ZNF467: variants seen among roughly 807,000 people sequenced by gnomAD.
ZNF467 encodes the protein zinc finger protein EZI.
A neutral mutation model predicts 47.8 loss-of-function variants in ZNF467; 51 were observed. The observed-to-expected ratio is 1.07, with a 90% confidence interval of 0.85 to 1.35. The LOEUF (loss-of-function observed/expected upper bound fraction) is 1.35. Among genes scored for constraint, ZNF467 ranks in the 40% most tolerant of loss-of-function variants. The probability of loss-of-function intolerance (pLI) is 0.00; values close to 1 mark genes in which losing one functional copy is unlikely to be tolerated. For synonymous variants in ZNF467, 416 were observed against 372.9 expected, an observed-to-expected ratio of 1.12 and a Z score of -1.33; for missense variants, 992 against 858.1, an observed-to-expected ratio of 1.16 and a Z score of -1.95.
In ZNF467 at chr7:149,769,512, G is replaced by A. The variant is rs771340592; in HGVS notation, c.152-312C>T. On this transcript the variant is annotated intron_variant, in intron 3 of 4. Transcript: ENST00000302017. The surrounding 1 kb of genome is among the most constrained non-coding windows in gnomAD (Gnocchi z 5.3). ...AAGCAAGGAAGTCCCCTGACCTGAT[G>A]CCCCTAGGAGAAGGGCTGGGGACTT... Among the ~76,000 whole-genome samples, 22 of 152,216 alleles carry A rather than the reference G, an allele frequency of 1.4e-4. No individual in the cohort carries two copies. The highest frequency in any genetic ancestry group is 4.1e-4 in the South Asian group (2 of 4,826).
Position 149,769,435 on chromosome 7 carries a change from C to T in ZNF467, c.152-235G>A, listed in dbSNP as rs922510103. On this transcript the variant is annotated intron_variant, in intron 3 of 4. Coordinates refer to ENST00000302017, the MANE Select transcript of ZNF467 (RefSeq NM_207336.3). The surrounding 1 kb of genome is among the most constrained non-coding windows in gnomAD (Gnocchi z 5.3). ...TGTAATGAGATGGACTACAAGGTTA[C>T]AAGAGCCACCACTGTGAAGAGTTCC... Among the ~76,000 whole-genome samples, 2 of 152,114 alleles carry T rather than the reference C, an allele frequency of 1.3e-5. No individual in the cohort carries two copies. The highest frequency in any genetic ancestry group is 2.9e-5 in the Non-Finnish European group (2 of 68,000).
At position 149,764,762 on chromosome 7, in the gene ZNF467, TGGGGCCGCAAGGGCGGCGTCC is replaced by T. The variant is rs769320215; in HGVS notation, c.1719_1739del (p.Asp574_Pro580del). On this transcript the variant is annotated inframe_deletion, in exon 5 of 5. Coordinates refer to ENST00000302017, the MANE Select transcript of ZNF467 (RefSeq NM_207336.3). ...CCACCTCGGGGGGAGCGGACCAGGC[TGGGGCCGCAAGGGCGGCGTCC>T]GGGGCCGCGTGGGCGGCTTCGCCGT... 195 of 1,530,424 alleles carry T rather than the reference TGGGGCCGCAAGGGCGGCGTCC, an allele frequency of 1.3e-4. No homozygotes were observed. The highest frequency in any genetic ancestry group is 1.6e-4 in the Non-Finnish European group (185 of 1,138,382). 94.8% of individuals were successfully genotyped at this position (1,530,424 alleles called of 1,614,324 possible).
At chr7:149,774,569 G>A (rs943996842), upstream of ZNF467, among the ~76,000 whole-genome samples, 13 of 152,172 alleles carry the variant, frequency 8.5e-5, no homozygotes, top group Admixed American at 7.2e-4. The surrounding 1 kb of genome is among the most constrained non-coding windows in gnomAD (Gnocchi z 5.7). Flanking sequence ...CTGGAAGAGC[G>A]CCCATCACTC....
rs1333934688 is a variant in ZNF467, at chr7:149,765,770, G to A, written c.732C>T (p.Tyr244=). 1 of 1,612,358 alleles carries A rather than the reference G, an allele frequency of 6.2e-7. No homozygotes were observed. Among genetic ancestry groups the A allele is most frequent in the Non-Finnish European group, 8.5e-7 (1 of 1,179,434 alleles). The change falls in exon 5 of 5, where the codon TAC becomes TAT. Residue 244 remains tyrosine (Y), a synonymous_variant. Coordinates refer to ENST00000302017, the MANE Select transcript of ZNF467 (RefSeq NM_207336.3). ...HLRTHTGERP[Y]PCAECGKRFS... is the part of the protein sequence containing the mutation. ...AGCGCTTGCCGCACTCCGCGCACGG[G>A]TAGGGCCGCTCGCCCGTGTGCGTGC...
intron 3 of ZNF467, 86 bp downstream of exon 3, chr7:149,770,354 G>C: frequency 1.4e-6 from 1 of 722,646 alleles, no homozygotes; most frequent in Admixed American, 2.9e-5. Flanking sequence ...GAGGGAGGGG[G>C]GAGGGAAGAA....
At position 149,764,583 on chromosome 7, in the gene ZNF467, G is replaced by A. The variant is rs530972659; in HGVS notation, c.*131C>T. 1.3e-6 allele frequency: 2 copies of A among 1,495,740 alleles called. No homozygotes were observed. Among genetic ancestry groups the A allele is most frequent in the African/African-American group, 1.4e-5 (1 of 72,174 alleles). The allele number at this position is 1,495,740 out of a possible 1,614,324, so 92.7% of individuals were successfully genotyped here. A position where few individuals can be genotyped will look rare whatever the true frequency, so the allele number is the denominator to read the frequency against. ...TGCTGTGCGGACGCAGACACTGCGGGAAGGAAACAGGTGTCCCGCGGCGGC... is the reference window on the plus strand; with the variant it reads ...TGCTGTGCGGACGCAGACACTGCGGAAAGGAAACAGGTGTCCCGCGGCGGC... On this transcript the variant is annotated 3_prime_UTR_variant, in exon 5 of 5. Coordinates refer to ENST00000302017, the MANE Select transcript of ZNF467 (RefSeq NM_207336.3).
At chr7:149,771,344 C>A (rs1799399813) in intron 1 of ZNF467, among the ~76,000 whole-genome samples, 1 of 152,200 alleles carries the variant, frequency 6.6e-6, no homozygotes, top group African/African-American at 2.4e-5. Flanking sequence ...CCGCCAACCC[C>A]GGCCCATCAG....
upstream of ZNF467, among the ~76,000 whole-genome samples, chr7:149,775,494 T>G (rs1799548055): frequency 6.6e-6 from 1 of 152,204 alleles, no homozygotes. Context: ...TTTCATGGGG[T>G]CATGGCCCTC....
Position 149,764,517 on chromosome 7 carries a change from G to C in ZNF467, c.*197C>G. The C allele has an allele frequency of 1.0e-6, 1 of 1,003,216 alleles. No homozygotes were observed. The highest frequency in any genetic ancestry group is 1.5e-6 in the Non-Finnish European group (1 of 661,512). 62.1% of individuals were successfully genotyped at this position (1,003,216 alleles called of 1,614,324 possible). On this transcript the variant is annotated 3_prime_UTR_variant, in exon 5 of 5. Transcript: ENST00000302017. The stretch of plus-strand genomic sequence containing the variant: ...ACTTCAGCTCAGCGGTTCCCAGCAA[G>C]GGTTCGCTGAGTCTCTGTCCTAGGA...
At chr7:149,776,495 G>A (rs181803407), upstream of ZNF467, 11,792 of 1,318,964 alleles carry the variant, frequency 8.9e-3, 87 homozygotes, top group Middle Eastern at 0.01. Context: ...GGGCTTACCC[G>A]GTCCCCAGCG....
chr7:149,773,812 C>T (rs1400904101), upstream of ZNF467, among the ~76,000 whole-genome samples: 1 of 152,038 alleles, frequency 6.6e-6, no homozygotes, highest in Non-Finnish European at 1.5e-5. Flanking sequence ...TCCGGCCCCG[C>T]CCCCATTCTC....
chr7:149,765,761 C>G lies in ZNF467; in HGVS notation c.741G>C (p.Ala247=), dbSNP rs768301215. ...TCTGGCTGAAGCGCTTGCCGCACTC[C>G]GCGCACGGGTAGGGCCGCTCGCCCG... ...THTGERPYPC[A]ECGKRFSQKI... The change falls in exon 5 of 5, where the codon GCG becomes GCC. Residue 247 remains alanine, a synonymous_variant. Transcript: ENST00000302017. 5 of 1,612,400 alleles carry G rather than the reference C, an allele frequency of 3.1e-6. No homozygotes were observed. Among genetic ancestry groups the G allele is most frequent in the Non-Finnish European group, 3.4e-6 (4 of 1,179,424 alleles).
At chr7:149,775,597 C>T (rs1165449280), upstream of ZNF467, among the ~76,000 whole-genome samples, 1 of 152,108 alleles carries the variant, frequency 6.6e-6, no homozygotes, top group Non-Finnish European at 1.5e-5. Flanking sequence ...ATTTGTGCAT[C>T]CCTGGGAAGT....
At chr7:149,776,136 G>C, upstream of ZNF467, 14 of 1,331,964 alleles carry the variant, frequency 1.1e-5, no homozygotes, top group Non-Finnish European at 1.4e-5. Flanking sequence ...TCCTCCTTCT[G>C]CCGCATGCCC....
At position 149,765,989 on chromosome 7, in the gene ZNF467, G is replaced by C. The variant is rs1454543719; in HGVS notation, c.513C>G (p.Asp171Glu). ...GCTGGTGCAGTCGCAACGTCAGCTG[G>C]TCCCGGAAGCGCCGCTCACACTCCC... ...GCGECERRFR[D>E]QLTLRLHQRL... Residue 171 changes from aspartate (D) to glutamate (E), a missense_variant, in exon 5 of 5, where the codon GAC becomes GAG. Asp to Glu is a conservative substitution (Grantham distance 45). Coordinates refer to ENST00000302017, the MANE Select transcript of ZNF467 (RefSeq NM_207336.3). 6.4e-7 allele frequency: 1 copy of C among 1,557,288 alleles called. No individual in the cohort carries two copies. The highest frequency in any genetic ancestry group is 2.4e-5 in the East Asian group (1 of 41,388).
At chr7:149,776,226 C>A, upstream of ZNF467, 1 of 895,396 alleles carries the variant, frequency 1.1e-6, no homozygotes, top group Non-Finnish European at 1.6e-6. Context: ...CCATGAGTGT[C>A]TCTCCCTACC....
rs1376926912 is a variant in ZNF467, at chr7:149,765,026, G to A, written c.1476C>T (p.Cys492=). 2 of 1,561,646 alleles carry A rather than the reference G, an allele frequency of 1.3e-6. No individual in the cohort carries two copies. Among genetic ancestry groups the A allele is most frequent in the Non-Finnish European group, 1.7e-6 (2 of 1,159,568 alleles). ...SGARPFACAQ[C]GRRFSRKSHL... ...GCGACTTGCGGCTGAAGCGGCGGCC[G>A]CACTGAGCGCAGGCGAAAGGCCTGG... The change falls in exon 5 of 5, where the codon TGC becomes TGT. Residue 492 remains cysteine, a synonymous_variant. Transcript: ENST00000302017.
Position 149,765,862 on chromosome 7 carries a change from G to T in ZNF467, c.640C>A (p.Arg214=). 1 of 1,601,840 alleles carries T rather than the reference G, an allele frequency of 6.2e-7. No homozygotes were observed. The highest frequency in any genetic ancestry group is 8.5e-7 in the Non-Finnish European group (1 of 1,174,816). The change falls in exon 5 of 5, where the codon CGG becomes AGG. Residue 214 remains arginine (R), a synonymous_variant. Transcript: ENST00000302017. ...TCGCACTCGGAGCACGGGAAAGGCC[G>T]CTCGCCGCGGTGGCTGCGCTGATGC... The part of the protein sequence containing the change: ...LLHQRSHRGE[R]PFPCSECDKR...
Position 149,765,320 on chromosome 7 carries a change from G to A in ZNF467, c.1182C>T (p.Thr394=), listed in dbSNP as rs1799147018. 6.7e-7 allele frequency: 1 copy of A among 1,482,912 alleles called. No homozygotes were observed. Among genetic ancestry groups the A allele is most frequent in the Non-Finnish European group, 9.0e-7 (1 of 1,113,270 alleles). The allele number at this position is 1,482,912 out of a possible 1,614,324, so 91.9% of individuals were successfully genotyped here. A position where few individuals can be genotyped will look rare whatever the true frequency, so the allele number is the denominator to read the frequency against. The change falls in exon 5 of 5, where the codon ACC becomes ACT. Residue 394 remains threonine, a synonymous_variant. Transcript: ENST00000302017. ...GGGGCTTGGCGGCGGGGGCATCCAC[G>A]GTGGCGCCCAGTGCGCACTCATCGC... ...FGCDECALGA[T]VDAPAAKPLA... is the part of the protein sequence containing the mutation.
Sources: gnomAD v4.1 joint callset for allele counts (sites outside exome capture counted in the v4.1 genomes callset) on GRCh38, gnomAD v4.1.1 for gene constraint, Gnocchi (gnomAD v3.1) non-coding constraint, MANE v1.5 for transcripts, NCBI Gene and HGNC (gene_info 2026-07-23, HGNC 2026-07-21) for gene names.